The following GYG1 variants were observed in gnomAD, a reference collection of about 807,000 sequenced individuals.
GYG1 encodes the protein glycogenin-1.
In GYG1, 44 loss-of-function variants were observed where a neutral mutation model predicts 41.9. The ratio of observed to expected loss-of-function variants is 1.05; its 90% confidence interval spans 0.83 to 1.35. The LOEUF is 1.35. Ranked by LOEUF, GYG1 falls within the 40% of genes most tolerant of loss-of-function variation. The pLI is 0.00. For synonymous variants in GYG1, 141 were observed against 158.1 expected (o/e 0.89, Z 0.81); for missense variants, 429 against 418.9 (o/e 1.02, Z -0.21).
rs200275239 is a variant in GYG1 at position 149,009,390 on chromosome 3, C to T, written c.596C>T (p.Pro199Leu). The T allele has an allele frequency of 3.8e-5, 62 of 1,613,384 alleles. No individual in the cohort carries two copies. In the Admixed American group the frequency reaches 5.2e-4, roughly 13 times the overall value. ...AGCATCTCTATATACTCCTACCTCCCGGCATTTAAAGTGTAAGTGCAGATG... is the reference window on the plus strand; with the variant it reads ...AGCATCTCTATATACTCCTACCTCCTGGCATTTAAAGTGTAAGTGCAGATG... ...LSSISIYSYL[P>L]AFKVFGASAK... is the part of the protein sequence containing the mutation. Residue 199 changes from proline (P) to leucine (L), a missense_variant, in exon 5 of 8, where the codon CCG becomes CTG. By Grantham distance (98) the Pro-to-Leu change is moderately conservative. Coordinates refer to ENST00000345003, the MANE Select transcript of GYG1 (RefSeq NM_004130.4).
Position 149,028,782 on chromosome 3 carries a change from G to GC in GYG1, c.*1850dup, listed in dbSNP as rs1714790938. Among the ~76,000 whole-genome samples the GC allele has an allele frequency of 6.8e-6, 1 of 147,956 alleles. No individual in the cohort carries two copies. Among genetic ancestry groups the GC allele is most frequent in the South Asian group, 2.1e-4 (1 of 4,716 alleles). On this transcript the variant is annotated 3_prime_UTR_variant, in exon 8 of 8. Coordinates refer to ENST00000345003, the MANE Select transcript of GYG1 (RefSeq NM_004130.4). The stretch of plus-strand genomic sequence containing the variant: ...AGTCACCAGGCTGGAGTGCAGTGGT[G>GC]CAGTCTCGGCTCACTGCAACCTCTG...
intron 6 of GYG1, among the ~76,000 whole-genome samples, chr3:149,025,645 G>C (rs1198689470): frequency 1.3e-5 from 2 of 152,008 alleles, no homozygotes; most frequent in Admixed American, 6.6e-5. Context: ...ATTAACTGAG[G>C]CTTAAAGAAG....
intron 6 of GYG1, among the ~76,000 whole-genome samples, chr3:149,025,441 C>T (rs558770017): frequency 1.3e-5 from 2 of 152,330 alleles, no homozygotes; most frequent in South Asian, 4.1e-4. Context: ...TGGTTCCTAA[C>T]AGGCCATGGA....
chr3:149,009,550 T>C (rs1713604199), intron 5 of GYG1, 148 bp downstream of exon 5: 2 of 847,154 alleles, frequency 2.4e-6, no homozygotes, highest in Admixed American at 1.8e-5. Context: ...GTGGCTGCAA[T>C]GGGGAGAGGC....
rs150523225 is a variant in GYG1, at chr3:149,026,838, G to T, written c.958G>T (p.Glu320Ter). The T allele has an allele frequency of 3.7e-6, 6 of 1,613,864 alleles. No individual in the cohort carries two copies. Among genetic ancestry groups the T allele is most frequent in the Admixed American group, 1.7e-5 (1 of 59,998 alleles). ...AMAQPFVSSE[E>*]RKERWEQGQA... ...GGCACAGCCGTTTGTATCCTCGGAA[G>T]AACGGAAGGAACGATGGGAACAGGG... is the stretch of plus-strand genomic sequence containing the variant. Residue 320 changes from glutamate (E) to a stop codon, truncating the protein, a stop_gained, in exon 8 of 8, where the codon GAA (glutamate) becomes TAA (stop). Transcript: ENST00000345003. LOFTEE classifies it high-confidence loss of function.
At chr3:149,012,512 T>C (rs1399769371) in intron 5 of GYG1, among the ~76,000 whole-genome samples, 1 of 152,202 alleles carries the variant, frequency 6.6e-6, no homozygotes, top group Non-Finnish European at 1.5e-5. Context: ...ATCTAGAACT[T>C]TGTGGCCTTT....
chr3:149,002,454 GA>G (rs1713146393), intron 4 of GYG1, among the ~76,000 whole-genome samples: 1 of 152,140 alleles, frequency 6.6e-6, no homozygotes, highest in African/African-American at 2.4e-5. Flanking sequence ...ACAAAGTAGT[GA>G]AAAACAAAAG....
intron 4 of GYG1, 43 bp from the exon 5 acceptor site, chr3:149,009,233 G>A: frequency 6.9e-7 from 1 of 1,457,450 alleles, no homozygotes; most frequent in Non-Finnish European, 9.6e-7. Flanking sequence ...TTATTAAACT[G>A]TCTAGAGATC....
In GYG1 at chr3:149,030,528, A is replaced by G. The variant is rs1166119135; in HGVS notation, c.*3595A>G. On this transcript the variant is annotated 3_prime_UTR_variant, in exon 8 of 8. Transcript: ENST00000345003. ...TGTAAGGCTTTGTCTTTGTAAGCAG[A>G]AAGAGTAGACTGTGTTGTTTTTTGC... 6.6e-6 allele frequency: 1 copy of G among 152,224 alleles called. No homozygotes were observed. Among genetic ancestry groups the G allele is most frequent in the East Asian group, 1.9e-4 (1 of 5,200 alleles). 9.4% of individuals were successfully genotyped at this position (152,224 alleles called of 1,614,324 possible).
chr3:148,997,673 A>G (rs1376266027), intron 4 of GYG1, among the ~76,000 whole-genome samples: 2 of 152,274 alleles, frequency 1.3e-5, no homozygotes, highest in Admixed American at 1.3e-4. Context: ...GTTAATATGC[A>G]GAAGGAGTTC....
intron 1 of GYG1, 70 bp from the exon 2 acceptor site, chr3:148,994,072 G>C: frequency 7.3e-7 from 1 of 1,365,748 alleles, no homozygotes; most frequent in South Asian, 1.2e-5. Flanking sequence ...CTGTTTGAAT[G>C]GGTTCCTGGG....
chr3:149,005,114 C>T (rs948069210), intron 4 of GYG1, among the ~76,000 whole-genome samples: 1 of 152,054 alleles, frequency 6.6e-6, no homozygotes, highest in Non-Finnish European at 1.5e-5. Flanking sequence ...TTATAATGTC[C>T]AGGTTCTCAA....
chr3:148,997,140 T>A (rs2107888276), intron 4 of GYG1, among the ~76,000 whole-genome samples: 1 of 152,274 alleles, frequency 6.6e-6, no homozygotes, highest in African/African-American at 2.4e-5. Flanking sequence ...TAGGCAATTT[T>A]ATAGGATTGT....
intron 5 of GYG1, among the ~76,000 whole-genome samples, chr3:149,010,027 A>G (rs143846993): frequency 1.3e-5 from 2 of 152,318 alleles, no homozygotes; most frequent in Non-Finnish European, 2.9e-5. Flanking sequence ...GGCCTGGTCT[A>G]CCCAACTGCT....
intron 5 of GYG1, among the ~76,000 whole-genome samples, chr3:149,018,775 G>T (rs534045166): frequency 9.9e-5 from 15 of 152,130 alleles, no homozygotes; most frequent in African/African-American, 2.9e-4. Context: ...GATTAAAGTA[G>T]TGTCAGGCCG....
Position 148,996,476 on chromosome 3 carries a change from G to C in GYG1, c.318G>C (p.Leu106=). 2 of 1,612,302 alleles carry C rather than the reference G, an allele frequency of 1.2e-6. No homozygotes were observed. The highest frequency in any genetic ancestry group is 1.7e-6 in the Non-Finnish European group (2 of 1,178,576). ...SKCVFMDADT[L]VLANIDDLFD... is the part of the protein sequence containing the mutation. Reference sequence around the variant, plus strand: ...GTGTATTCATGGATGCAGATACTCTGGTGAGTGTGGCTTTGAGGGTAGAAA... The same window carrying C: ...GTGTATTCATGGATGCAGATACTCTCGTGAGTGTGGCTTTGAGGGTAGAAA... The change falls in exon 3 of 8, where the codon CTG becomes CTC. Residue 106 remains leucine (L), a splice_region_variant and synonymous_variant. Transcript: ENST00000345003.
chr3:149,024,445 A>C (rs1318765434), intron 6 of GYG1, among the ~76,000 whole-genome samples, 173 bp downstream of exon 6: 1 of 152,264 alleles, frequency 6.6e-6, no homozygotes, highest in Non-Finnish European at 1.5e-5. Context: ...AAGTAGCAGA[A>C]ATAAACTGTG....
chr3:149,005,101 G>A (rs1713316157), intron 4 of GYG1, among the ~76,000 whole-genome samples: 2 of 152,132 alleles, frequency 1.3e-5, no homozygotes, highest in South Asian at 4.1e-4. Context: ...GTTAAAGAAG[G>A]TGTTATAATG....
intron 4 of GYG1, chr3:149,007,983 C>G (rs1576545035): frequency 6.6e-6 from 1 of 152,206 alleles, no homozygotes; most frequent in East Asian, 1.9e-4. Context: ...GCCATGATCC[C>G]CGCTTTCTGA....
Sources: gnomAD v4.1 joint callset for allele counts (sites outside exome capture counted in the v4.1 genomes callset) on GRCh38, gnomAD v4.1.1 for gene constraint, MANE v1.5 for transcripts, NCBI Gene and HGNC (gene_info 2026-07-23, HGNC 2026-07-21) for gene names.